ADAM7: variants seen among roughly 807,000 people sequenced by gnomAD.
The protein encoded by ADAM7 is ADAM metallopeptidase domain 7.
In ADAM7, 97 loss-of-function variants were observed where a neutral mutation model predicts 102.9. That is an observed-to-expected ratio of 0.94 (90% CI 0.80 to 1.12). The LOEUF is 1.12. Ranked by LOEUF, ADAM7 falls within the 50% of genes most tolerant of loss-of-function variation. ADAM7 has a pLI of 0.00. For missense variants in ADAM7, 991 were observed against 908.7 expected (o/e 1.09, Z -1.16); for synonymous variants, 334 against 304.4 (o/e 1.10, Z -1.01).
At chr8:24,497,234 T>G (rs1368557775) in intron 16 of ADAM7, among the ~76,000 whole-genome samples, 2 of 152,208 alleles carry the variant, frequency 1.3e-5, no homozygotes, top group Non-Finnish European at 2.9e-5. Flanking sequence ...CACGTGGAAC[T>G]GTAAGTTCAA....
chr8:24,500,358 A>G (rs540977678), intron 18 of ADAM7, 102 bp downstream of exon 18: 3 of 1,002,086 alleles, frequency 3.0e-6, no homozygotes, highest in South Asian at 3.2e-5. Flanking sequence ...GTGTTTTGAT[A>G]TGGATTTGTA....
intron 2 of ADAM7, among the ~76,000 whole-genome samples, 183 bp from the exon 3 acceptor site, chr8:24,447,003 G>T (rs979332923): frequency 2.0e-5 from 3 of 151,270 alleles, no homozygotes; most frequent in South Asian, 4.2e-4. Flanking sequence ...CTAGAATGAG[G>T]TTTGTAAAAT....
chr8:24,475,847 G>A (rs1819751083), intron 7 of ADAM7: 9 of 441,514 alleles, frequency 2.0e-5, no homozygotes, highest in Admixed American at 5.0e-5. Context: ...AGTACAAAAA[G>A]GGAATGCAGT....
intron 4 of ADAM7, among the ~76,000 whole-genome samples, chr8:24,464,233 A>G (rs1231924126): frequency 6.6e-6 from 1 of 152,182 alleles, no homozygotes; most frequent in East Asian, 1.9e-4. Flanking sequence ...TAAGTCTAGG[A>G]GAGGGTAAAG....
At chr8:24,501,421 A>G in intron 19 of ADAM7, 56 bp from the exon 20 acceptor site, 1 of 1,299,076 alleles carries the variant, frequency 7.7e-7, no homozygotes, top group Non-Finnish European at 1.1e-6. Context: ...GAAGAAATAA[A>G]TAACCTGAAT....
intron 9 of ADAM7, 137 bp downstream of exon 9, chr8:24,482,448 C>G (rs1301072851): frequency 3.1e-5 from 27 of 860,490 alleles, no homozygotes; most frequent in Non-Finnish European, 4.1e-5. Context: ...TTATTTGTAG[C>G]TACACAGAAA....
At chr8:24,478,788 G>C (rs1208669092) in intron 8 of ADAM7, among the ~76,000 whole-genome samples, 2 of 152,084 alleles carry the variant, frequency 1.3e-5, no homozygotes, top group Non-Finnish European at 2.9e-5. Context: ...TTGCTCTTTT[G>C]TATGTTCTTT....
intron 3 of ADAM7, among the ~76,000 whole-genome samples, chr8:24,451,793 A>G (rs1818802010): frequency 6.6e-6 from 1 of 150,526 alleles, no homozygotes; most frequent in South Asian, 2.2e-4. Context: ...ATTTAGTGCT[A>G]TAAATTTCCC....
rs1820105100 is a variant in ADAM7 at position 24,485,356 on chromosome 8, A to G, written c.955A>G (p.Ile319Val). The change falls in exon 10 of 22, where the codon ATT becomes GTT. Residue 319 changes from isoleucine (I) to valine (V), a missense_variant. Transcript: ENST00000175238. ...MCLPYYSTSIIKDLLPDTNII... is the reference protein window; with the variant it reads ...MCLPYYSTSIVKDLLPDTNII... Reference sequence around the variant, plus strand: ...CCTGCCCTATTATTCCACCAGTATCATTAAGGTGGGCTGTGTTTTATTTAT... The same window carrying G: ...CCTGCCCTATTATTCCACCAGTATCGTTAAGGTGGGCTGTGTTTTATTTAT... The G allele has an allele frequency of 6.2e-7, 1 of 1,612,946 alleles. No individual in the cohort carries two copies. Among genetic ancestry groups the G allele is most frequent in the Non-Finnish European group, 8.5e-7 (1 of 1,179,420 alleles).
chr8:24,459,848 A>T (rs1819176368), intron 3 of ADAM7, among the ~76,000 whole-genome samples: 2 of 151,914 alleles, frequency 1.3e-5, no homozygotes, highest in African/African-American at 4.8e-5. Context: ...TTTCTTTATT[A>T]TTCTTATTGA....
At chr8:24,488,453 C>A (rs539490686) in intron 11 of ADAM7, among the ~76,000 whole-genome samples, 106 of 152,204 alleles carry the variant, frequency 7.0e-4, no homozygotes, top group African/African-American at 2.2e-3. Flanking sequence ...GTGACTAACA[C>A]AACTAAATGT....
chr8:24,507,373 G>C (rs905617422), intron 20 of ADAM7, 107 bp from the exon 21 acceptor site: 5 of 818,714 alleles, frequency 6.1e-6, no homozygotes, highest in Non-Finnish European at 1.0e-5. Context: ...GGTGGCCTGC[G>C]TGTGTATGTG....
intron 8 of ADAM7, among the ~76,000 whole-genome samples, chr8:24,479,151 G>A (rs377722334): frequency 4.6e-5 from 7 of 152,208 alleles, no homozygotes; most frequent in East Asian, 3.9e-4. Flanking sequence ...CAGTAGTGGC[G>A]TGTTGTTTGT....
Position 24,465,733 on chromosome 8 carries a change from A to C in ADAM7, c.347A>C (p.Glu116Ala), listed in dbSNP as rs758018970. Residue 116 changes from glutamate (E) to alanine (A), a missense_variant, in exon 5 of 22, where the codon GAA (glutamate) becomes GCA (alanine). Glu to Ala is a moderately radical substitution (Grantham distance 107). Coordinates refer to ENST00000175238, the MANE Select transcript of ADAM7 (RefSeq NM_003817.4). ...TTTTACCAAGGATCCATAGTACACG[A>C]ATATGATTCAGCTGCCAGTATCAGT... is the stretch of plus-strand genomic sequence containing the variant. Reference protein sequence around the residue: ...HCFYQGSIVHEYDSAASISTC... With the variant: ...HCFYQGSIVHAYDSAASISTC... 3.1e-6 allele frequency: 5 copies of C among 1,611,200 alleles called. No homozygotes were observed. The highest frequency in any genetic ancestry group is 4.2e-6 in the Non-Finnish European group (5 of 1,178,644).
At chr8:24,446,322 T>A (rs889299990) in intron 2 of ADAM7, among the ~76,000 whole-genome samples, 4 of 152,166 alleles carry the variant, frequency 2.6e-5, no homozygotes, top group Non-Finnish European at 2.9e-5. Context: ...AAACAATTTA[T>A]CACAATAAGT....
At position 24,468,755 on chromosome 8, in the gene ADAM7, C is replaced by G. The variant is rs1819512406; in HGVS notation, c.580-12C>G. The G allele has an allele frequency of 6.8e-6, 11 of 1,611,914 alleles. No homozygotes were observed. Among genetic ancestry groups the G allele is most frequent in the Non-Finnish European group, 8.5e-6 (10 of 1,179,076 alleles). On this transcript the variant is annotated splice_polypyrimidine_tract_variant and intron_variant, in intron 6 of 21. Transcript: ENST00000175238. The stretch of plus-strand genomic sequence containing the variant: ...TAACTATACTTCAACTGAATTTTCC[C>G]TAACTTTACAGGGCATCCATGATGA...
intron 13 of ADAM7, among the ~76,000 whole-genome samples, chr8:24,491,341 A>C (rs10108027): frequency 0.44 from 66,833 of 152,088 alleles, 16,265 homozygotes; most frequent in African/African-American, 0.64. Flanking sequence ...CTTTCACTCA[A>C]CTTTATTGTG....
chr8:24,487,182 A>C lies in ADAM7; in HGVS notation c.961-5A>C. ...AAATTTCTAATGCAATTGTTTTATC[A>C]TCAGGATCTTTTACCTGACACAAAC... On this transcript the variant is annotated splice_region_variant and splice_polypyrimidine_tract_variant and intron_variant, in intron 10 of 21. Coordinates refer to ENST00000175238, the MANE Select transcript of ADAM7 (RefSeq NM_003817.4). The C allele has an allele frequency of 6.2e-7, 1 of 1,613,164 alleles. No homozygotes were observed. Among genetic ancestry groups the C allele is most frequent in the Non-Finnish European group, 8.5e-7 (1 of 1,179,526 alleles).
At chr8:24,498,937 A>G (rs1216843538) in intron 16 of ADAM7, among the ~76,000 whole-genome samples, 1 of 152,070 alleles carries the variant, frequency 6.6e-6, no homozygotes, top group Non-Finnish European at 1.5e-5. Context: ...TTGACAGATT[A>G]ACGCTGAAGT....
Sources: gnomAD v4.1 joint callset for allele counts (sites outside exome capture counted in the v4.1 genomes callset) on GRCh38, gnomAD v4.1.1 for gene constraint, MANE v1.5 for transcripts, NCBI Gene and HGNC (gene_info 2026-07-23, HGNC 2026-07-21) for gene names.